Variants in HFM1 observed in about 807,000 individuals in gnomAD.
HFM1 encodes helicase for meiosis 1.
HFM1 carries 169 observed loss-of-function variants against 192.1 expected under a neutral mutation model. The observed-to-expected ratio is 0.88, with a 90% CI of 0.78 to 1.00. The LOEUF is 1.00. Ranked by LOEUF, HFM1 falls within the 50% of genes least tolerant of loss-of-function variation. HFM1 has a pLI of 0.00. For synonymous variants in HFM1, 525 were observed against 537.8 expected, an observed-to-expected ratio of 0.98 and a Z score of 0.33; for missense variants, 1,661 against 1,668.0, an observed-to-expected ratio of 1.00 and a Z score of 0.07.
At chr1:91,391,156 T>C (rs1475186243) in intron 4 of HFM1, among the ~76,000 whole-genome samples, 2 of 152,134 alleles carry the variant, frequency 1.3e-5, no homozygotes, top group South Asian at 2.1e-4. Context: ...GAATCAATAT[T>C]GTGAAAATGG....
At chr1:91,398,161 C>T (rs930578835) in intron 2 of HFM1, among the ~76,000 whole-genome samples, 7 of 152,142 alleles carry the variant, frequency 4.6e-5, no homozygotes, top group Admixed American at 2.0e-4. Flanking sequence ...GCTATATTAA[C>T]TCTTTTCTAC....
At chr1:91,382,066 T>C (rs948729035) in intron 6 of HFM1, among the ~76,000 whole-genome samples, 1 of 152,126 alleles carries the variant, frequency 6.6e-6, no homozygotes, top group Non-Finnish European at 1.5e-5. Context: ...TCATCTCCTC[T>C]AGCTATACTG....
chr1:91,266,482 T>C (rs1367580703), intron 35 of HFM1, among the ~76,000 whole-genome samples: 1 of 152,188 alleles, frequency 6.6e-6, no homozygotes, highest in Non-Finnish European at 1.5e-5. Flanking sequence ...CATTTGGTCA[T>C]AGATGTCTTC....
chr1:91,329,542 C>T (rs2101483062), intron 20 of HFM1: 2 of 1,422,446 alleles, frequency 1.4e-6, no homozygotes, highest in East Asian at 2.5e-5. Context: ...ATTATACCTC[C>T]TTGACACCAG....
chr1:91,280,787 TG>T (rs1166540979), intron 30 of HFM1, among the ~76,000 whole-genome samples: 1 of 152,222 alleles, frequency 6.6e-6, no homozygotes, highest in Non-Finnish European at 1.5e-5. Flanking sequence ...GGTATCATCC[TG>T]TGGAATTGGG....
At chr1:91,366,689 C>T (rs1280045530) in intron 13 of HFM1, among the ~76,000 whole-genome samples, 2 of 152,202 alleles carry the variant, frequency 1.3e-5, no homozygotes, top group Admixed American at 6.5e-5. Flanking sequence ...CACCTCCCAG[C>T]GTGAGCAATG....
chr1:91,329,412 G>A (rs1445287206), intron 20 of HFM1: 18 of 1,576,700 alleles, frequency 1.1e-5, no homozygotes, highest in African/African-American at 1.4e-5. Context: ...TTTCTTCAAG[G>A]TGACTGGCTC....
intron 30 of HFM1, among the ~76,000 whole-genome samples, chr1:91,284,788 T>C (rs576991346): frequency 1.3e-5 from 2 of 152,302 alleles, no homozygotes; most frequent in South Asian, 4.1e-4. Flanking sequence ...AACAAAAATG[T>C]TCTTCCTCAA....
intron 30 of HFM1, among the ~76,000 whole-genome samples, chr1:91,310,803 C>T (rs1163572678): frequency 6.6e-6 from 1 of 152,204 alleles, no homozygotes; most frequent in Non-Finnish European, 1.5e-5. Context: ...CCATGTGATT[C>T]TGAGGCCTCC....
At chr1:91,322,580 C>G (rs1652287593) in intron 23 of HFM1, among the ~76,000 whole-genome samples, 1 of 152,148 alleles carries the variant, frequency 6.6e-6, no homozygotes, top group African/African-American at 2.4e-5. Flanking sequence ...TTTGCTTTTA[C>G]TCTTTGTCTC....
At chr1:91,405,446 C>T (rs184173080), upstream of HFM1, among the ~76,000 whole-genome samples, 20 of 152,274 alleles carry the variant, frequency 1.3e-4, no homozygotes, top group East Asian at 3.1e-3. Flanking sequence ...AAAATAGCAA[C>T]GAATCAATGA....
chr1:91,371,266 A>G (rs1266058511), intron 13 of HFM1, among the ~76,000 whole-genome samples: 2 of 150,730 alleles, frequency 1.3e-5, no homozygotes, highest in East Asian at 1.9e-4. Context: ...GGAACCGAAA[A>G]AGAGCCCGCA....
intron 19 of HFM1, among the ~76,000 whole-genome samples, chr1:91,346,100 T>C (rs1018956135): frequency 6.8e-6 from 1 of 147,192 alleles, no homozygotes; most frequent in Non-Finnish European, 1.5e-5. Flanking sequence ...AACATTGCAA[T>C]GAATGAGGAA....
At chr1:91,377,756 A>G (rs913499390) in intron 11 of HFM1, 1 of 421,996 alleles carries the variant, frequency 2.4e-6, no homozygotes, top group Non-Finnish European at 4.2e-6. Flanking sequence ...TGAAGTTACT[A>G]TGAGGCACCT....
At chr1:91,372,747 A>T (rs993845888) in intron 13 of HFM1, among the ~76,000 whole-genome samples, 1 of 152,154 alleles carries the variant, frequency 6.6e-6, no homozygotes, top group Non-Finnish European at 1.5e-5. Context: ...AAAAAAGAAA[A>T]TTCATAAGAA....
intron 36 of HFM1, among the ~76,000 whole-genome samples, chr1:91,263,579 GA>G (rs988450565): frequency 8.0e-5 from 12 of 150,490 alleles, no homozygotes; most frequent in African/African-American, 2.4e-4. Context: ...CCCATCTCTA[GA>G]AAAAAAAAAT....
At position 91,329,208 on chromosome 1, in the gene HFM1, G is replaced by A. The variant is rs549067003; in HGVS notation, c.2336-4442C>T. The stretch of plus-strand genomic sequence containing the variant: ...TTTGCCAGAAAATCGGCTCCACAAG[G>A]AGGCTTACCAGCTCTTCTTGGAACC... On this transcript the variant is annotated intron_variant, in intron 20 of 38. Transcript: ENST00000370425. 161 of 1,609,704 alleles carry A rather than the reference G, an allele frequency of 1.0e-4. 2 individuals carry two copies. In the Admixed American group the frequency reaches 2.3e-3, roughly 23 times the overall value.
chr1:91,264,961 C>T (rs1456591175), intron 36 of HFM1, among the ~76,000 whole-genome samples: 2 of 152,156 alleles, frequency 1.3e-5, no homozygotes, highest in East Asian at 3.8e-4. Flanking sequence ...ACTATCATAT[C>T]CTATCAATTG....
At chr1:91,386,123 G>C (rs919216735) in intron 4 of HFM1, among the ~76,000 whole-genome samples, 2 of 152,152 alleles carry the variant, frequency 1.3e-5, no homozygotes, top group African/African-American at 4.8e-5. Flanking sequence ...TTGAATCGCT[G>C]AATCAGGACT....
Sources: gnomAD v4.1 joint callset for allele counts (sites outside exome capture counted in the v4.1 genomes callset) on GRCh38, gnomAD v4.1.1 for gene constraint, MANE v1.5 for transcripts, NCBI Gene and HGNC (gene_info 2026-07-23, HGNC 2026-07-21) for gene names.